CLTCL1: variants seen among roughly 807,000 people sequenced by gnomAD.
CLTCL1 encodes clathrin heavy chain 2.
CLTCL1 carries 159 observed loss-of-function variants against 190.0 expected under a neutral mutation model. That is an observed-to-expected ratio of 0.84 (90% CI 0.74 to 0.95). CLTCL1 has a LOEUF of 0.95. CLTCL1 is among the 40% of genes least tolerant of loss of function. The pLI is 0.00. For missense variants in CLTCL1, 1,878 were observed against 2,033.4 expected (o/e 0.92, Z 1.47); for synonymous variants, 752 against 769.6 (o/e 0.98, Z 0.38).
At chr22:19,206,137 G>T (rs1555942609) in intron 22 of CLTCL1, among the ~76,000 whole-genome samples, 1 of 152,122 alleles carries the variant, frequency 6.6e-6, no homozygotes, top group Non-Finnish European at 1.5e-5. Flanking sequence ...TTTTGCCTGG[G>T]CTGGTCTTGA....
chr22:19,197,236 G>A (rs901363441), intron 24 of CLTCL1, among the ~76,000 whole-genome samples: 2 of 152,130 alleles, frequency 1.3e-5, no homozygotes, highest in African/African-American at 2.4e-5. Context: ...ACAGCCCTGG[G>A]AGGGTCCGAC....
intron 29 of CLTCL1, 191 bp from the exon 30 acceptor site, chr22:19,183,802 C>T: frequency 1.6e-6 from 1 of 619,966 alleles, no homozygotes; most frequent in Non-Finnish European, 2.8e-6. Flanking sequence ...GATGCCACCT[C>T]CGGAGGCTCT....
At chr22:19,227,277 CT>C (rs11375007) in intron 11 of CLTCL1, among the ~76,000 whole-genome samples, 3,204 of 121,062 alleles carry the variant, frequency 0.026, 54 homozygotes, top group African/African-American at 0.086. Flanking sequence ...GGCATAAAAT[CT>C]TTTTTTTTTT....
In CLTCL1 at chr22:19,254,192, T is replaced by C. The variant is rs1555971495; in HGVS notation, c.286A>G (p.Lys96Glu). The C allele has an allele frequency of 1.2e-6, 2 of 1,613,498 alleles. No individual in the cohort carries two copies. The highest frequency in any genetic ancestry group is 1.7e-6 in the Non-Finnish European group (2 of 1,179,536). ...ATAGTATGAGCCTTCATTTTACTCT[T>C]CATCTCAATATTAAAGATCTGAAGT... is the stretch of plus-strand genomic sequence containing the variant. The part of the protein sequence containing the change: ...KTLQIFNIEM[K>E]SKMKAHTMAE... The change falls in exon 3 of 33, where the codon AAG becomes GAG. Residue 96 changes from lysine to glutamate, a missense_variant. Coordinates refer to ENST00000427926, the MANE Select transcript of CLTCL1 (RefSeq NM_007098.4).
At chr22:19,221,752 G>A in intron 16 of CLTCL1, 141 bp from the exon 17 acceptor site, 2 of 979,804 alleles carry the variant, frequency 2.0e-6, no homozygotes, top group Non-Finnish European at 3.0e-6. Context: ...GACCAAGATG[G>A]ACCTGGTTTC....
intron 31 of CLTCL1, 21 bp downstream of exon 31, chr22:19,180,710 G>C (rs1555925415): frequency 1.2e-6 from 2 of 1,613,166 alleles, no homozygotes; most frequent in Admixed American, 1.7e-5. Context: ...CAGGGGGTTG[G>C]GGGCTACAGG....
At chr22:19,203,123 T>G (rs912528067) in intron 22 of CLTCL1, among the ~76,000 whole-genome samples, 48 of 152,300 alleles carry the variant, frequency 3.2e-4, no homozygotes, top group Admixed American at 2.5e-3. Flanking sequence ...GAGACCAGCC[T>G]GGCCAATATG....
intron 2 of CLTCL1, among the ~76,000 whole-genome samples, chr22:19,255,605 T>A (rs1221344298): frequency 4.0e-5 from 6 of 149,076 alleles, no homozygotes. Context: ...AGCAAACAAT[T>A]TGGAAATATA....
intron 3 of CLTCL1, among the ~76,000 whole-genome samples, chr22:19,250,330 CT>C (rs35580449): frequency 0.069 from 8,736 of 125,892 alleles, 297 homozygotes; most frequent in Middle Eastern, 0.18. Context: ...CTCATCTGTT[CT>C]TTTTTTTTTT....
rs782553674 is a variant in CLTCL1, at chr22:19,199,789, C to A, written c.3818G>T (p.Gly1273Val). 5.6e-6 allele frequency: 9 copies of A among 1,599,628 alleles called. No individual in the cohort carries two copies. The Admixed American group carries it at 1.6e-4, about 28-fold the overall frequency. Reference protein sequence around the residue: ...GQEFRFAQLCGLHIVIHADEL... With the variant: ...GQEFRFAQLCVLHIVIHADEL... The stretch of plus-strand genomic sequence containing the variant: ...ATCTGCATGAATGACGATGTGAAGA[C>A]CACACAGCTGTGCGAAGCGGAACTC... Residue 1273 changes from glycine to valine, a missense_variant, in exon 24 of 33, where the codon GGT becomes GTT. Transcript: ENST00000427926.
rs561473344 is a variant in CLTCL1, at chr22:19,219,574, C to G, written c.2919+311G>C. ...TGTCGGCTCACTGCAACCTCCACCC[C>G]CTGGGTTCAAGCAATTCTCCTGCCT... is the stretch of plus-strand genomic sequence containing the variant. On this transcript the variant is annotated intron_variant, in intron 18 of 32. Transcript: ENST00000427926. 7.0e-4 allele frequency among the ~76,000 whole-genome samples: 107 copies of G among 152,256 alleles called. No homozygotes were observed. In the Middle Eastern group the frequency reaches 0.014, roughly 19 times the overall value.
At chr22:19,187,355 G>C (rs1483155867) in intron 29 of CLTCL1, among the ~76,000 whole-genome samples, 1 of 152,138 alleles carries the variant, frequency 6.6e-6, no homozygotes, top group Non-Finnish European at 1.5e-5. Flanking sequence ...CAGTTTTTAA[G>C]GGGTGCTAGC....
At chr22:19,275,859 T>C in intron 1 of CLTCL1, 29 bp from the exon 2 acceptor site, 1 of 1,552,428 alleles carries the variant, frequency 6.4e-7, no homozygotes, top group African/African-American at 1.4e-5. Context: ...TTTGATTAAA[T>C]TTTTTTCCTC....
intron 19 of CLTCL1, among the ~76,000 whole-genome samples, chr22:19,211,882 G>A (rs1316403945): frequency 6.9e-6 from 1 of 144,776 alleles, no homozygotes; most frequent in Non-Finnish European, 1.5e-5. Context: ...AGTTTAGCAA[G>A]GTTGTAGAAT....
Position 19,222,721 on chromosome 22 carries a change from T to C in CLTCL1, c.2381A>G (p.Asn794Ser). Residue 794 changes from asparagine to serine, a missense_variant, in exon 15 of 33, where the codon AAC (asparagine) becomes AGC (serine). Physicochemically the swap from Asn to Ser is conservative, Grantham distance 46. Coordinates refer to ENST00000427926, the MANE Select transcript of CLTCL1 (RefSeq NM_007098.4). ...GATCTCAATGTACCTCTGCAGGTTG[T>C]TGCGGTATAAATATAGGACAAGGTC... ...VHDLVLYLYR[N>S]NLQRYIEIYV... 6.3e-7 allele frequency: 1 copy of C among 1,595,026 alleles called. No individual in the cohort carries two copies. The highest frequency in any genetic ancestry group is 8.5e-7 in the Non-Finnish European group (1 of 1,170,762).
At chr22:19,258,175 G>A (rs182304947) in intron 2 of CLTCL1, 2 of 349,790 alleles carry the variant, frequency 5.7e-6, no homozygotes, top group African/African-American at 4.3e-5. Flanking sequence ...ACCATGAAGA[G>A]GGAGTAAAAG....
chr22:19,286,614 C>T lies in CLTCL1; in HGVS notation c.42+4986G>A, dbSNP rs1170485726. ...TGACCCCCAGAAGCCTCTCCAGACA[C>T]ACACGGGTGTGTGTGGATGGGAACT... On this transcript the variant is annotated intron_variant, in intron 1 of 32. Coordinates refer to ENST00000427926, the MANE Select transcript of CLTCL1 (RefSeq NM_007098.4). 2.0e-5 allele frequency among the ~76,000 whole-genome samples: 3 copies of T among 152,318 alleles called. No homozygotes were observed. The South Asian group carries it at 6.2e-4, about 32-fold the overall frequency.
chr22:19,256,780 G>A (rs1423449332), intron 2 of CLTCL1, among the ~76,000 whole-genome samples: 12 of 151,886 alleles, frequency 7.9e-5, no homozygotes, highest in African/African-American at 2.9e-4. Context: ...GATAACAGGT[G>A]TGAGCCACCA....
intron 3 of CLTCL1, among the ~76,000 whole-genome samples, chr22:19,244,978 A>AT (rs2086371718): frequency 6.6e-6 from 1 of 152,172 alleles, no homozygotes; most frequent in Non-Finnish European, 1.5e-5. Flanking sequence ...CAGAGTGCTG[A>AT]TTGCTACAGC....
Sources: allele counts gnomAD v4.1 joint callset (sites outside exome capture counted in the v4.1 genomes callset), GRCh38; gene constraint gnomAD v4.1.1; transcripts MANE v1.5; gene names NCBI Gene and HGNC (gene_info 2026-07-23, HGNC 2026-07-21).